Variants in DLGAP2 observed in about 807,000 individuals in gnomAD.
DLGAP2 encodes DLG associated protein 2.
In DLGAP2, 26 loss-of-function variants were observed where a neutral mutation model predicts 100.3. The ratio of observed to expected loss-of-function variants is 0.26; its 90% CI spans 0.19 to 0.36. DLGAP2 has a LOEUF of 0.36. Among genes scored for constraint, DLGAP2 ranks in the 10% least tolerant of loss-of-function variants. The probability of loss-of-function intolerance (pLI) is 1.00; values close to 1 mark genes in which losing one functional copy is unlikely to be tolerated. For missense variants in DLGAP2, 1,858 were observed against 1,453.2 expected, an observed-to-expected ratio of 1.28 and a Z score of -4.53; for synonymous variants, 886 against 630.1, an observed-to-expected ratio of 1.41 and a Z score of -6.08.
intron 6 of DLGAP2, among the ~76,000 whole-genome samples, chr8:1,607,847 CGCACCA>C (rs1796856405): frequency 6.8e-6 from 1 of 147,612 alleles, no homozygotes; most frequent in Non-Finnish European, 1.5e-5. Flanking sequence ...TAAAAAACGG[CGCACCA>C]CGAGACTATA....
chr8:1,347,365 A>G (rs933897192), intron 3 of DLGAP2, among the ~76,000 whole-genome samples: 8 of 151,306 alleles, frequency 5.3e-5, no homozygotes, highest in Non-Finnish European at 7.4e-5. Flanking sequence ...GTTCCCATAC[A>G]CATCTGCATT....
At chr8:782,839 C>T in intron 1 of DLGAP2, among the ~76,000 whole-genome samples, 1 of 152,170 alleles carries the variant, frequency 6.6e-6, no homozygotes, top group East Asian at 1.9e-4. Flanking sequence ...CCCTGTTGGC[C>T]CTCTTCCGCG....
At position 1,704,810 on chromosome 8, in the gene DLGAP2, G is replaced by A. The variant is rs1375340178; in HGVS notation, c.*3404G>A. 6.6e-6 allele frequency: 1 copy of A among 151,690 alleles called. No individual in the cohort carries two copies. Among genetic ancestry groups the A allele is most frequent in the Non-Finnish European group, 1.5e-5 (1 of 67,944 alleles). The allele number at this position is 151,690 out of a possible 1,614,324, so 9.4% of individuals were successfully genotyped here. On this transcript the variant is annotated 3_prime_UTR_variant, in exon 15 of 15. Transcript: ENST00000637795. Reference sequence around the variant, plus strand: ...GCCTACAAACTCAGTGACCTACTACGCAGAGGGAATTTTTCCCTGCTGCTT... The same window carrying A: ...GCCTACAAACTCAGTGACCTACTACACAGAGGGAATTTTTCCCTGCTGCTT...
intron 3 of DLGAP2, among the ~76,000 whole-genome samples, chr8:1,448,029 A>G (rs1254627857): frequency 1.3e-5 from 2 of 152,138 alleles, no homozygotes; most frequent in African/African-American, 4.8e-5. Flanking sequence ...GATCTTTTCA[A>G]AAAACCAGCT....
intron 2 of DLGAP2, among the ~76,000 whole-genome samples, chr8:954,323 T>A (rs779948843): frequency 2.6e-5 from 4 of 152,286 alleles, no homozygotes; most frequent in Non-Finnish European, 4.4e-5. Flanking sequence ...TAAGTGAAAA[T>A]TTGTATTACC....
chr8:997,658 C>T (rs746115338), intron 2 of DLGAP2, among the ~76,000 whole-genome samples: 1 of 152,144 alleles, frequency 6.6e-6, no homozygotes, highest in African/African-American at 2.4e-5. Context: ...TTCACACAAA[C>T]GTTTGTTCAT....
intron 4 of DLGAP2, among the ~76,000 whole-genome samples, chr8:1,536,343 C>T (rs747757369): frequency 6.6e-6 from 1 of 152,122 alleles, no homozygotes. Context: ...ACCATGCCGA[C>T]GACCATGAAA....
chr8:1,460,462 A>G (rs1388970905), intron 3 of DLGAP2, among the ~76,000 whole-genome samples: 1 of 152,118 alleles, frequency 6.6e-6, no homozygotes, highest in Non-Finnish European at 1.5e-5. Context: ...ATGTCGCTTT[A>G]CTGATGAAGC....
At chr8:1,161,547 T>A (rs1032856094) in intron 2 of DLGAP2, among the ~76,000 whole-genome samples, 2 of 152,104 alleles carry the variant, frequency 1.3e-5, no homozygotes, top group Non-Finnish European at 2.9e-5. Flanking sequence ...AGACACACAC[T>A]CACATTTCAG....
At chr8:863,135 C>T (rs532174686) in intron 1 of DLGAP2, among the ~76,000 whole-genome samples, 1 of 152,098 alleles carries the variant, frequency 6.6e-6, no homozygotes, top group African/African-American at 2.4e-5. Flanking sequence ...GCGTATTATT[C>T]CTGTTGCTCA....
chr8:1,706,006 G>C lies in DLGAP2; in HGVS notation c.*4600G>C, dbSNP rs1225948909. The stretch of plus-strand genomic sequence containing the variant: ...GCAGCCATGACACACACCACATAAG[G>C]TCAGCTCAGAGCCCATGGCTTCCCT... On this transcript the variant is annotated 3_prime_UTR_variant, in exon 15 of 15. Coordinates refer to ENST00000637795, the MANE Select transcript of DLGAP2 (RefSeq NM_001346810.2). 6.6e-6 allele frequency: 1 copy of C among 152,194 alleles called. No individual in the cohort carries two copies. Among genetic ancestry groups the C allele is most frequent in the East Asian group, 1.9e-4 (1 of 5,186 alleles). The allele number at this position is 152,194 out of a possible 1,614,324, so 9.4% of individuals were successfully genotyped here.
At chr8:1,552,463 G>A (rs1801802310) in intron 5 of DLGAP2, among the ~76,000 whole-genome samples, 1 of 152,186 alleles carries the variant, frequency 6.6e-6, no homozygotes, top group African/African-American at 2.4e-5. Context: ...CAGGAGCTGT[G>A]TGCAACCTCC....
rs566019820 is a variant in DLGAP2 at position 1,104,983 on chromosome 8, G to C, written c.74-153868G>C. 203 of 152,330 alleles carry C rather than the reference G, an allele frequency of 1.3e-3. 1 individual carries two copies. Among genetic ancestry groups the C allele is most frequent in the African/African-American group, 4.7e-3 (194 of 41,576 alleles). 9.4% of individuals were successfully genotyped at this position (152,330 alleles called of 1,614,324 possible). A position where few individuals can be genotyped will look rare whatever the true frequency, so the allele number is the denominator to read the frequency against. On this transcript the variant is annotated intron_variant, in intron 2 of 14. Coordinates refer to ENST00000637795, the MANE Select transcript of DLGAP2 (RefSeq NM_001346810.2). ...ACTCGCCAGACGCCCTGGAGCAGAG[G>C]AGGAGCAGTGGTCGGCAGCGGCCAG... is the stretch of plus-strand genomic sequence containing the variant.
chr8:1,531,072 TAA>T lies in DLGAP2; in HGVS notation c.173-17552_173-17551del, dbSNP rs1800973939. Among the ~76,000 whole-genome samples the T allele has an allele frequency of 2.0e-5, 3 of 152,224 alleles. 1 individual carries two copies. Among genetic ancestry groups the T allele is most frequent in the Non-Finnish European group, 4.4e-5 (3 of 68,038 alleles). ...CTGTTTAATAAATATTGAGAAACCA[TAA>T]AGTTTCCAAATGTATTCCACATTCC... On this transcript the variant is annotated intron_variant, in intron 4 of 14. Transcript: ENST00000637795.
intron 2 of DLGAP2, among the ~76,000 whole-genome samples, chr8:1,047,930 A>G (rs770210530): frequency 6.6e-6 from 1 of 152,124 alleles, no homozygotes; most frequent in African/African-American, 2.4e-5. Flanking sequence ...CCGTTGATCT[A>G]TATGTCTAGC....
Position 1,520,239 on chromosome 8 carries a change from C to T in DLGAP2, c.172+18808C>T, listed in dbSNP as rs531977650. 4.0e-4 allele frequency among the ~76,000 whole-genome samples: 61 copies of T among 152,300 alleles called. 1 individual carries two copies. In the South Asian group the frequency reaches 4.8e-3, roughly 12 times the overall value. ...GAAGAACAGCTGCAGGCCCCCACCC[C>T]GGAGCTCATGGTTCACAGAGGGAAG... On this transcript the variant is annotated intron_variant, in intron 4 of 14. Coordinates refer to ENST00000637795, the MANE Select transcript of DLGAP2 (RefSeq NM_001346810.2).
intron 1 of DLGAP2, among the ~76,000 whole-genome samples, chr8:863,865 C>T (rs926273279): frequency 2.0e-5 from 3 of 152,122 alleles, no homozygotes; most frequent in Non-Finnish European, 4.4e-5. Context: ...GGCTACAACC[C>T]CAAGGAAATG....
chr8:1,163,240 C>T (rs543029483), intron 2 of DLGAP2, among the ~76,000 whole-genome samples: 38 of 152,354 alleles, frequency 2.5e-4, no homozygotes, highest in African/African-American at 8.9e-4. Context: ...CGCCTCCTCC[C>T]AATCGCCTCC....
chr8:1,129,522 G>C (rs748458862), intron 2 of DLGAP2, among the ~76,000 whole-genome samples: 2 of 152,176 alleles, frequency 1.3e-5, no homozygotes, highest in Non-Finnish European at 2.9e-5. Flanking sequence ...TAATCCTAAT[G>C]AAGTTTTGTA....
Sources: gnomAD v4.1 joint callset for allele counts (sites outside exome capture counted in the v4.1 genomes callset) on GRCh38, gnomAD v4.1.1 for gene constraint, MANE v1.5 for transcripts, NCBI Gene and HGNC (gene_info 2026-07-23, HGNC 2026-07-21) for gene names.